Variants in PTGS1 observed in about 807,000 individuals in gnomAD.
The protein encoded by PTGS1 is prostaglandin G/H synthase 1.
PTGS1 carries 40 observed loss-of-function variants against 63.0 expected under a neutral mutation model. The observed-to-expected ratio is 0.63, with a 90% CI of 0.49 to 0.83. The LOEUF (loss-of-function observed/expected upper bound fraction) is 0.83. Ranked by LOEUF, PTGS1 falls within the 40% of genes least tolerant of loss-of-function variation. The probability of loss-of-function intolerance (pLI) is 0.00; values close to 1 mark genes in which losing one functional copy is unlikely to be tolerated. For synonymous variants in PTGS1, 298 were observed against 301.9 expected, an observed-to-expected ratio of 0.99 and a Z score of 0.13; for missense variants, 709 against 786.5, an observed-to-expected ratio of 0.90 and a Z score of 1.18.
chr9:122,373,732 G>C (rs932898797), intron 2 of PTGS1, among the ~76,000 whole-genome samples: 12 of 152,230 alleles, frequency 7.9e-5, no homozygotes, highest in African/African-American at 2.7e-4. Context: ...TGGGTCTGTG[G>C]GCCGGGAGAG....
chr9:122,376,943 A>G (rs1230351094), intron 2 of PTGS1, among the ~76,000 whole-genome samples: 1 of 152,108 alleles, frequency 6.6e-6, no homozygotes, highest in East Asian at 1.9e-4. Context: ...TTAGATGCCA[A>G]GAGGGATTTC....
At chr9:122,380,111 C>G (rs575227082) in intron 5 of PTGS1, among the ~76,000 whole-genome samples, 2 of 152,240 alleles carry the variant, frequency 1.3e-5, no homozygotes, top group African/African-American at 4.8e-5. Context: ...AGCAAGCAAG[C>G]CTGCTAGTCC....
At position 122,378,434 on chromosome 9, in the gene PTGS1, T is replaced by A. The variant is rs1178685836; in HGVS notation, c.213T>A (p.Pro71=). The A allele has an allele frequency of 3.1e-6, 5 of 1,613,754 alleles. No homozygotes were observed. Among genetic ancestry groups the A allele is most frequent in the Non-Finnish European group, 4.2e-6 (5 of 1,180,036 alleles). ...GAGTGACTGCCATTGCCCCTGCAGC[T>A]GGCCTGTGGACCTGGCTCCGGAATT... The part of the protein sequence containing the change: ...TGYSGPNCTI[P]GLWTWLRNSL... The change falls in exon 4 of 11, where the codon CCT becomes CCA. Residue 71 remains proline (P), a splice_region_variant and synonymous_variant. Transcript: ENST00000362012.
intron 7 of PTGS1, among the ~76,000 whole-genome samples, chr9:122,383,055 G>A (rs775624529): frequency 5.9e-5 from 9 of 152,114 alleles, no homozygotes; most frequent in South Asian, 2.1e-4. Flanking sequence ...GTGATGGAGC[G>A]TAAGAATGAC....
At chr9:122,384,298 G>C (rs2119161217) in intron 8 of PTGS1, among the ~76,000 whole-genome samples, 1 of 152,252 alleles carries the variant, frequency 6.6e-6, no homozygotes, top group Middle Eastern at 3.4e-3. Flanking sequence ...ATGGTTTCCT[G>C]CCTGGGAGCT....
chr9:122,371,484 G>T (rs1231051796), intron 2 of PTGS1: 3 of 1,266,850 alleles, frequency 2.4e-6, no homozygotes, highest in Non-Finnish European at 3.2e-6. Flanking sequence ...TTCTTTCAGG[G>T]GAAACAGCAG....
Position 122,390,243 on chromosome 9 carries a change from G to A in PTGS1, c.1342G>A (p.Val448Met), listed in dbSNP as rs186089151. 1.8e-4 allele frequency: 284 copies of A among 1,614,176 alleles called. No individual in the cohort carries two copies. In the East Asian group the frequency reaches 3.8e-3, roughly 22 times the overall value. ...NMDHHILHVAVDVIRESREMR... is the reference protein window; with the variant it reads ...NMDHHILHVAMDVIRESREMR... ...GGACCACCACATCCTGCATGTGGCT[G>A]TGGATGTCATCAGGGAGTCTCGGGA... is the stretch of plus-strand genomic sequence containing the variant. The change falls in exon 10 of 11, where the codon GTG becomes ATG. Residue 448 changes from valine (V) to methionine (M), a missense_variant. Val to Met is a conservative substitution (Grantham distance 21). Coordinates refer to ENST00000362012, the MANE Select transcript of PTGS1 (RefSeq NM_000962.4).
At chr9:122,391,066 T>G (rs1422794326) in intron 10 of PTGS1, among the ~76,000 whole-genome samples, 1 of 151,698 alleles carries the variant, frequency 6.6e-6, no homozygotes, top group African/African-American at 2.4e-5. Flanking sequence ...GAGTTTTATT[T>G]GGTCTAGTGC....
At position 122,383,790 on chromosome 9, in the gene PTGS1, C is replaced by A; in HGVS notation, c.1009+35C>A. ...CCAGACCTGCCCTGCCCTGGAAGGT[C>A]ATTCCCTCCATCCTGAGAAGTTGGG... On this transcript the variant is annotated intron_variant, in intron 8 of 10. Transcript: ENST00000362012. 1.9e-6 allele frequency: 3 copies of A among 1,589,658 alleles called. No individual in the cohort carries two copies. The South Asian group carries it at 3.3e-5, about 18-fold the overall frequency.
At chr9:122,392,139 T>C (rs769265978) in intron 10 of PTGS1, 50 bp from the exon 11 acceptor site, 4 of 1,507,656 alleles carry the variant, frequency 2.7e-6, no homozygotes, top group Non-Finnish European at 8.9e-7. Context: ...CAGGTTGACC[T>C]TAATGGCATC....
At chr9:122,383,978 G>C (rs1837707503) in intron 8 of PTGS1, among the ~76,000 whole-genome samples, 1 of 152,152 alleles carries the variant, frequency 6.6e-6, no homozygotes, top group Non-Finnish European at 1.5e-5. Context: ...GATCATGAAT[G>C]GGAAGGCAAC....
In PTGS1 at chr9:122,383,582, C is replaced by A; in HGVS notation, c.836C>A (p.Pro279Gln). The change falls in exon 8 of 11, where the codon CCG becomes CAG. Residue 279 changes from proline (P) to glutamine (Q), a missense_variant. By Grantham distance (76) the Pro-to-Gln change is moderately conservative. Transcript: ENST00000362012. Reference protein sequence around the residue: ...PVLMHYPRGIPPQSQMAVGQE... With the variant: ...PVLMHYPRGIQPQSQMAVGQE... ...TTGATGCACTACCCCCGAGGCATCC[C>A]GCCCCAGAGCCAGATGGCTGTGGGC... The A allele has an allele frequency of 6.2e-7, 1 of 1,614,136 alleles. No individual in the cohort carries two copies. Among genetic ancestry groups the A allele is most frequent in the African/African-American group, 1.3e-5 (1 of 75,036 alleles).
chr9:122,383,803 C>T (rs766743420), intron 8 of PTGS1, 48 bp downstream of exon 8: 1 of 1,581,580 alleles, frequency 6.3e-7, no homozygotes, highest in African/African-American at 1.3e-5. Context: ...TCCCTCCATC[C>T]TGAGAAGTTG....
intron 2 of PTGS1, chr9:122,375,307 A>G (rs1296775949): frequency 3.0e-6 from 3 of 985,366 alleles, no homozygotes; most frequent in Non-Finnish European, 2.4e-6. Context: ...CAGCCGTTCC[A>G]GCTTCAGCGT....
In PTGS1 at chr9:122,377,951, C is replaced by T. The variant is rs138230380; in HGVS notation, c.147C>T (p.Phe49=). 2.7e-5 allele frequency: 43 copies of T among 1,613,964 alleles called. No individual in the cohort carries two copies. The African/African-American group carries it at 3.5e-4, about 13-fold the overall frequency. ...AGCACCAGGGCATCTGTGTCCGCTT[C>T]GGCCTTGACCGCTACCAGTGTGACT... ...PCQHQGICVR[F]GLDRYQCDCT... Residue 49 remains phenylalanine, a synonymous_variant, in exon 3 of 11, where the codon TTC becomes TTT. Coordinates refer to ENST00000362012, the MANE Select transcript of PTGS1 (RefSeq NM_000962.4).
intron 8 of PTGS1, 24 bp downstream of exon 8, chr9:122,383,779 C>A: frequency 5.0e-6 from 8 of 1,594,724 alleles, no homozygotes; most frequent in Non-Finnish European, 6.8e-6. Context: ...ACCTGCCCTG[C>A]CCTGGAAGGT....
At chr9:122,388,579 T>C (rs1838018890) in intron 9 of PTGS1, among the ~76,000 whole-genome samples, 1 of 152,228 alleles carries the variant, frequency 6.6e-6, no homozygotes, top group Admixed American at 6.5e-5. Context: ...CTCAGGCTGC[T>C]GCAACAAAGT....
chr9:122,375,978 G>A (rs1837125043), intron 2 of PTGS1, among the ~76,000 whole-genome samples: 1 of 152,120 alleles, frequency 6.6e-6, no homozygotes, highest in African/African-American at 2.4e-5. Context: ...GCTGGGCAGT[G>A]GGTGCTACAG....
chr9:122,387,603 G>A (rs1837951217), intron 9 of PTGS1, among the ~76,000 whole-genome samples: 2 of 152,164 alleles, frequency 1.3e-5, no homozygotes, highest in Admixed American at 1.3e-4. Flanking sequence ...GATGTAGGGA[G>A]AAGAAAGCCA....
Sources: allele counts gnomAD v4.1 joint callset (sites outside exome capture counted in the v4.1 genomes callset), GRCh38; gene constraint gnomAD v4.1.1; transcripts MANE v1.5; gene names NCBI Gene and HGNC (gene_info 2026-07-23, HGNC 2026-07-21).